The following TMEM108 variants were observed in gnomAD, a reference collection of about 807,000 sequenced individuals.
The protein encoded by TMEM108 is cancer/testis antigen 124.
Under a neutral mutation model 35.1 loss-of-function variants are expected in TMEM108, and 12 were observed. The observed-to-expected ratio is 0.34, with a 90% CI of 0.22 to 0.55. The LOEUF (loss-of-function observed/expected upper bound fraction) is 0.55. Ranked by LOEUF, TMEM108 falls within the 20% of genes least tolerant of loss-of-function variation. The pLI is 0.89. For missense variants in TMEM108, 680 were observed against 753.3 expected, an observed-to-expected ratio of 0.90 and a Z score of 1.14; for synonymous variants, 287 against 308.6, an observed-to-expected ratio of 0.93 and a Z score of 0.73.
chr3:133,093,413 C>T (rs1943973852), intron 2 of TMEM108, among the ~76,000 whole-genome samples: 1 of 152,212 alleles, frequency 6.6e-6, no homozygotes, highest in Non-Finnish European at 1.5e-5. Context: ...GGAGCTTCCT[C>T]CCACCTGGCT....
At chr3:133,272,272 C>CCTGT (rs373072243) in intron 3 of TMEM108, among the ~76,000 whole-genome samples, 1 of 137,726 alleles carries the variant, frequency 7.3e-6, no homozygotes, top group Non-Finnish European at 1.6e-5. Flanking sequence ...CATACACGTA[C>CCTGT]GTGTGTGTGT....
intron 3 of TMEM108, among the ~76,000 whole-genome samples, chr3:133,243,779 TC>T (rs1946346520): frequency 1.1e-4 from 1 of 9,448 alleles, no homozygotes; most frequent in African/African-American, 1.2e-4. Context: ...CGCCTTGGCC[TC>T]CCAAAAGTGC....
chr3:133,139,844 G>A (rs1944617210), intron 2 of TMEM108, among the ~76,000 whole-genome samples: 1 of 152,142 alleles, frequency 6.6e-6, no homozygotes. Flanking sequence ...AGTACCCTGG[G>A]CACTGTTTTC....
intron 3 of TMEM108, among the ~76,000 whole-genome samples, chr3:133,292,034 T>C (rs1177059697): frequency 6.6e-6 from 1 of 152,174 alleles, no homozygotes; most frequent in East Asian, 1.9e-4. Flanking sequence ...AATCTAGATT[T>C]AGTACATTTG....
At chr3:133,235,200 GCCATCC>G (rs1218650995) in intron 3 of TMEM108, among the ~76,000 whole-genome samples, 3 of 152,090 alleles carry the variant, frequency 2.0e-5, no homozygotes, top group Non-Finnish European at 4.4e-5. Context: ...TAGATTCAAT[GCCATCC>G]CCATCAAGCT....
chr3:133,373,348 C>CAA lies in TMEM108; in HGVS notation c.41-6388_41-6387dup, dbSNP rs59367666. Among the ~76,000 whole-genome samples the CAA allele has an allele frequency of 1.6e-3, 127 of 79,902 alleles. 3 individuals carry two copies. Among genetic ancestry groups the CAA allele is most frequent in the Non-Finnish European group, 2.1e-3 (83 of 39,638 alleles). 52.4% of individuals were successfully genotyped at this position (79,902 alleles called of 152,430 possible). On this transcript the variant is annotated intron_variant, in intron 3 of 5. Coordinates refer to ENST00000321871, the MANE Select transcript of TMEM108 (RefSeq NM_023943.4). ...TGGGTCACAGAGTGAGACCTTGTCT[C>CAA]AAAAAAAAAAAAAAAAAGAAATTTA...
rs1295673647 is a variant in TMEM108 at position 133,379,961 on chromosome 3, C to T, written c.250C>T (p.Pro84Ser). 3.1e-6 allele frequency: 5 copies of T among 1,613,842 alleles called. No homozygotes were observed. The African/African-American group carries it at 4.0e-5, about 13-fold the overall frequency. ...PSQAAAPMATPTPRAEGHPPT... is the reference protein window; with the variant it reads ...PSQAAAPMATSTPRAEGHPPT... ...ACAGGCTGCAGCTCCCATGGCAACA[C>T]CGACACCCCGTGCAGAGGGGCACCC... The change falls in exon 4 of 6, where the codon CCG becomes TCG. Residue 84 changes from proline to serine, a missense_variant. Pro to Ser is a moderately conservative substitution (Grantham distance 74). Transcript: ENST00000321871.
chr3:133,339,194 C>CT (rs1011046082), intron 3 of TMEM108, among the ~76,000 whole-genome samples: 2 of 151,266 alleles, frequency 1.3e-5, no homozygotes, highest in Non-Finnish European at 3.0e-5. Context: ...AAACCAAGAC[C>CT]TAATTATCAG....
chr3:133,292,677 A>G (rs988786231), intron 3 of TMEM108, among the ~76,000 whole-genome samples: 1 of 152,152 alleles, frequency 6.6e-6, no homozygotes, highest in Non-Finnish European at 1.5e-5. Flanking sequence ...AGTTTTTTTT[A>G]AAGCATCTGT....
chr3:133,175,029 G>A (rs1945195249), intron 2 of TMEM108, among the ~76,000 whole-genome samples: 1 of 152,200 alleles, frequency 6.6e-6, no homozygotes, highest in African/African-American at 2.4e-5. Flanking sequence ...TGTGACGAAT[G>A]CACAAGCCTC....
intron 2 of TMEM108, among the ~76,000 whole-genome samples, chr3:133,161,345 A>G (rs1944958910): frequency 1.3e-5 from 2 of 152,172 alleles, no homozygotes; most frequent in Admixed American, 1.3e-4. Context: ...AGTCTAAAGT[A>G]GCCACTCTGT....
intron 3 of TMEM108, among the ~76,000 whole-genome samples, chr3:133,313,427 C>T (rs914855995): frequency 6.6e-6 from 1 of 152,162 alleles, no homozygotes; most frequent in African/African-American, 2.4e-5. Flanking sequence ...CCTCGTGATC[C>T]ACCTGCCTTG....
chr3:133,073,574 A>G (rs2107691418), intron 2 of TMEM108, among the ~76,000 whole-genome samples: 1 of 140,928 alleles, frequency 7.1e-6, no homozygotes, highest in South Asian at 2.2e-4. Flanking sequence ...ATGGTCACTT[A>G]AGTTGATCTC....
At chr3:133,073,484 T>TTCTCTCTCTCTCTCTCTCTCTCTCTCTC (rs371623398) in intron 2 of TMEM108, among the ~76,000 whole-genome samples, 2 of 55,630 alleles carry the variant, frequency 3.6e-5, no homozygotes, top group East Asian at 3.6e-4. Flanking sequence ...TAGTATTCTA[T>TTCTCTCTCTCTCTCTCTCTCTCTCTCTC]TCTCTCTCTC....
At chr3:133,096,423 G>T (rs1171297581) in intron 2 of TMEM108, among the ~76,000 whole-genome samples, 1 of 152,174 alleles carries the variant, frequency 6.6e-6, no homozygotes, top group Non-Finnish European at 1.5e-5. Context: ...CTCCCAAGGT[G>T]CTGGGATTAC....
At chr3:133,124,031 A>T (rs1350618347) in intron 2 of TMEM108, among the ~76,000 whole-genome samples, 1 of 152,232 alleles carries the variant, frequency 6.6e-6, no homozygotes, top group African/African-American at 2.4e-5. Context: ...CTATCAGCAG[A>T]GCAAGCCAAG....
intron 2 of TMEM108, among the ~76,000 whole-genome samples, chr3:133,086,880 CACTTCCATGGTT>C (rs1212458660): frequency 1.3e-5 from 2 of 152,198 alleles, no homozygotes; most frequent in Non-Finnish European, 2.9e-5. Flanking sequence ...TTCCATGTCT[CACTTCCATGGTT>C]ACAGAAGGAT....
intron 3 of TMEM108, among the ~76,000 whole-genome samples, chr3:133,326,616 G>T (rs562551664): frequency 1.3e-5 from 2 of 152,236 alleles, no homozygotes; most frequent in African/African-American, 4.8e-5. Flanking sequence ...CGATGAAGAG[G>T]TGGTGTCTAT....
intron 2 of TMEM108, among the ~76,000 whole-genome samples, chr3:133,104,169 G>A (rs190648230): frequency 6.6e-6 from 1 of 152,194 alleles, no homozygotes; most frequent in East Asian, 1.9e-4. Flanking sequence ...TCTTAGCCTT[G>A]ATTTCTCTAC....
Sources: gnomAD v4.1 joint callset for allele counts (sites outside exome capture counted in the v4.1 genomes callset) on GRCh38, gnomAD v4.1.1 for gene constraint, MANE v1.5 for transcripts, NCBI Gene and HGNC (gene_info 2026-07-23, HGNC 2026-07-21) for gene names.